The following SORCS1 variants were observed in gnomAD, a reference collection of about 807,000 sequenced individuals.
SORCS1 encodes the protein sortilin related VPS10 domain containing receptor 1.
In SORCS1, 60 loss-of-function variants were observed where a neutral mutation model predicts 146.1. The observed-to-expected ratio is 0.41, with a 90% confidence interval of 0.33 to 0.51. The LOEUF (loss-of-function observed/expected upper bound fraction) is 0.51. SORCS1 is among the 20% of genes least tolerant of loss of function. The pLI is 0.21. For missense variants in SORCS1, 1,352 were observed against 1,487.6 expected (o/e 0.91, Z 1.50); for synonymous variants, 637 against 584.0 (o/e 1.09, Z -1.31).
chr10:107,025,356 G>C (rs1958353290), intron 1 of SORCS1, among the ~76,000 whole-genome samples: 1 of 152,142 alleles, frequency 6.6e-6, no homozygotes, highest in African/African-American at 2.4e-5. Flanking sequence ...AGTTCTTGAA[G>C]GCTCAAGCAG....
chr10:106,782,460 C>G (rs933134870), intron 3 of SORCS1, among the ~76,000 whole-genome samples: 3 of 152,046 alleles, frequency 2.0e-5, no homozygotes, highest in Non-Finnish European at 4.4e-5. Flanking sequence ...AATTTCAGTC[C>G]TTCATATGTG....
chr10:106,956,804 G>A (rs1270971997), intron 1 of SORCS1, among the ~76,000 whole-genome samples: 1 of 152,190 alleles, frequency 6.6e-6, no homozygotes, highest in Non-Finnish European at 1.5e-5. Context: ...CTGTCACCCT[G>A]CAGCAAGGGT....
At chr10:106,940,748 G>A (rs754697525) in intron 2 of SORCS1, among the ~76,000 whole-genome samples, 3 of 152,182 alleles carry the variant, frequency 2.0e-5, no homozygotes, top group Non-Finnish European at 4.4e-5. Context: ...ACTGGGTATG[G>A]TGGCACATGG....
chr10:107,165,275 A>G (rs895930815), upstream of SORCS1, among the ~76,000 whole-genome samples: 1 of 120,706 alleles, frequency 8.3e-6, no homozygotes, highest in Non-Finnish European at 1.8e-5. This position sits in a 1 kb window ranked among gnomAD's most constrained non-coding sequence, Gnocchi z 4.0. Flanking sequence ...TGATGTAATT[A>G]AATGATCTCG....
intron 18 of SORCS1, among the ~76,000 whole-genome samples, chr10:106,645,718 G>T (rs919141326): frequency 2.3e-5 from 3 of 130,816 alleles, no homozygotes; most frequent in African/African-American, 8.2e-5. Context: ...TTAAAATTAT[G>T]TTTATTTTGC....
At chr10:106,920,939 C>T (rs1256254854) in intron 2 of SORCS1, among the ~76,000 whole-genome samples, 2 of 152,016 alleles carry the variant, frequency 1.3e-5, no homozygotes, top group African/African-American at 2.4e-5. Context: ...GTCTGTTGAA[C>T]GAGACCTGAG....
At chr10:106,633,762 G>A (rs1015594705) in intron 18 of SORCS1, among the ~76,000 whole-genome samples, 1 of 152,310 alleles carries the variant, frequency 6.6e-6, no homozygotes, top group African/African-American at 2.4e-5. Flanking sequence ...TTTGAAATCA[G>A]TGATTCTGGG....
chr10:106,921,344 T>G (rs1374548297), intron 2 of SORCS1, among the ~76,000 whole-genome samples: 2 of 152,216 alleles, frequency 1.3e-5, no homozygotes, highest in Non-Finnish European at 2.9e-5. Context: ...AGAATGCCTC[T>G]GCTTCCCTGG....
chr10:106,726,183 C>CTTTTTT (rs1441040131), intron 6 of SORCS1, among the ~76,000 whole-genome samples: 1 of 63,522 alleles, frequency 1.6e-5, no homozygotes, highest in African/African-American at 7.0e-5. Context: ...CTCTTTCCCT[C>CTTTTTT]TCTTTTTTTT....
chr10:107,053,581 T>C (rs1047459596), intron 1 of SORCS1, among the ~76,000 whole-genome samples: 1 of 152,220 alleles, frequency 6.6e-6, no homozygotes, highest in Non-Finnish European at 1.5e-5. Flanking sequence ...ACTTGTATCT[T>C]TGAAGAGTTA....
intron 2 of SORCS1, among the ~76,000 whole-genome samples, chr10:106,875,600 T>C (rs761751423): frequency 7.2e-5 from 11 of 152,212 alleles, no homozygotes; most frequent in Non-Finnish European, 1.6e-4. Context: ...AGCGTTCCCC[T>C]TTCACCATAT....
At chr10:107,136,730 T>C (rs1328183642) in intron 1 of SORCS1, among the ~76,000 whole-genome samples, 1 of 152,142 alleles carries the variant, frequency 6.6e-6, no homozygotes, top group Non-Finnish European at 1.5e-5. Context: ...TGAAACATCA[T>C]GGCCAAGATC....
At chr10:106,636,907 C>T (rs2133636726) in intron 18 of SORCS1, among the ~76,000 whole-genome samples, 1 of 152,290 alleles carries the variant, frequency 6.6e-6, no homozygotes, top group African/African-American at 2.4e-5. Context: ...CAGATGGGTG[C>T]TAAAGAATGA....
intron 2 of SORCS1, among the ~76,000 whole-genome samples, chr10:106,904,628 A>G (rs1392605125): frequency 6.6e-6 from 1 of 152,250 alleles, no homozygotes; most frequent in Non-Finnish European, 1.5e-5. Context: ...TCATAAAAAG[A>G]TGCACAGCTA....
chr10:106,912,122 A>AC (rs1952194580), intron 2 of SORCS1, among the ~76,000 whole-genome samples: 1 of 146,580 alleles, frequency 6.8e-6, no homozygotes, highest in South Asian at 2.1e-4. Flanking sequence ...CAAAAAAAAA[A>AC]AACAAACAAA....
chr10:106,829,296 C>T (rs986361394), intron 3 of SORCS1, among the ~76,000 whole-genome samples: 1 of 152,198 alleles, frequency 6.6e-6, no homozygotes, highest in Non-Finnish European at 1.5e-5. Context: ...AGAACTCTTA[C>T]TAGAGAGTCA....
At chr10:106,738,527 G>A (rs1021633687) in intron 5 of SORCS1, among the ~76,000 whole-genome samples, 1 of 152,164 alleles carries the variant, frequency 6.6e-6, no homozygotes, top group Non-Finnish European at 1.5e-5. Context: ...GGGTGTGCTT[G>A]TGTTGATGTT....
At chr10:106,661,396 G>A (rs1010784865) in intron 17 of SORCS1, among the ~76,000 whole-genome samples, 1 of 152,196 alleles carries the variant, frequency 6.6e-6, no homozygotes, top group Admixed American at 6.5e-5. Flanking sequence ...AGCCGCATAG[G>A]TTACTATTTT....
intron 8 of SORCS1, among the ~76,000 whole-genome samples, chr10:106,704,677 G>A (rs191645038): frequency 1.3e-5 from 2 of 152,280 alleles, no homozygotes; most frequent in Non-Finnish European, 2.9e-5. Flanking sequence ...GTGACAGAGC[G>A]AGATTGTGTC....
Sources: allele counts gnomAD v4.1 joint callset (sites outside exome capture counted in the v4.1 genomes callset), GRCh38; gene constraint gnomAD v4.1.1; non-coding constraint Gnocchi (gnomAD v3.1); transcripts MANE v1.5; gene names NCBI Gene and HGNC (gene_info 2026-07-23, HGNC 2026-07-21).